SVIL: variants seen among roughly 807,000 people sequenced by gnomAD.
SVIL encodes supervillin.
SVIL carries 101 observed loss-of-function variants against 240.4 expected under a neutral mutation model. That is an observed-to-expected ratio of 0.42 (90% CI 0.36 to 0.50). The LOEUF (loss-of-function observed/expected upper bound fraction) is 0.50, where lower values mean the gene tolerates loss of function less well. Ranked by LOEUF, SVIL falls within the 20% of genes least tolerant of loss-of-function variation. The pLI is 0.01. For synonymous variants in SVIL, 999 were observed against 1,100.0 expected (o/e 0.91, Z 1.82); for missense variants, 2,512 against 2,818.7 (o/e 0.89, Z 2.46).
intron 1 of SVIL, among the ~76,000 whole-genome samples, chr10:29,604,754 A>G (rs1678579784): frequency 6.6e-6 from 1 of 151,726 alleles, no homozygotes; most frequent in Non-Finnish European, 1.5e-5. Flanking sequence ...ATTTTTGTAA[A>G]GATAGGGTCT....
Position 29,526,948 on chromosome 10 carries a change from A to G in SVIL, c.2342+13T>C, listed in dbSNP as rs1363113908. On this transcript the variant is annotated intron_variant, in intron 13 of 37. Transcript: ENST00000355867. ...TGCACCGGGTGCCGCATGCATCTGT[A>G]TCTGTCCAGTACCTGGCAGGCTGCA... is the stretch of plus-strand genomic sequence containing the variant. The G allele has an allele frequency of 1.9e-6, 3 of 1,572,010 alleles. No homozygotes were observed. Among genetic ancestry groups the G allele is most frequent in the Non-Finnish European group, 2.6e-6 (3 of 1,165,186 alleles).
chr10:29,687,760 G>A (rs1045953319), intron 1 of SVIL, among the ~76,000 whole-genome samples: 1 of 152,202 alleles, frequency 6.6e-6, no homozygotes, highest in South Asian at 2.1e-4. Flanking sequence ...TTAAGAAAAG[G>A]TATAAATACT....
intron 17 of SVIL, among the ~76,000 whole-genome samples, chr10:29,500,442 C>T (rs561547382): frequency 5.9e-5 from 9 of 152,236 alleles, no homozygotes; most frequent in African/African-American, 1.9e-4. Flanking sequence ...CTGGCTGTCA[C>T]CTGCTGGTTT....
chr10:29,529,903 G>C (rs1255707801), intron 11 of SVIL, 59 bp from the exon 12 acceptor site: 25 of 1,510,140 alleles, frequency 1.7e-5, no homozygotes, highest in African/African-American at 4.2e-5. Flanking sequence ...GGGCACGGTG[G>C]CTCACGCCTG....
chr10:29,479,979 T>A (rs118157684), intron 29 of SVIL, among the ~76,000 whole-genome samples: 2,383 of 152,220 alleles, frequency 0.016, 33 homozygotes, highest in Non-Finnish European at 0.024. Context: ...ATGGGGTCCG[T>A]CACCATCAGG....
At chr10:29,682,560 A>G (rs1202522282) in intron 2 of SVIL, among the ~76,000 whole-genome samples, 1 of 152,188 alleles carries the variant, frequency 6.6e-6, no homozygotes, top group East Asian at 1.9e-4. Flanking sequence ...AAGGAACCAA[A>G]CCATAATTAT....
At chr10:29,515,334 T>C (rs1415747815) in intron 16 of SVIL, among the ~76,000 whole-genome samples, 3 of 152,232 alleles carry the variant, frequency 2.0e-5, no homozygotes, top group African/African-American at 7.2e-5. Flanking sequence ...TCATACTATA[T>C]AATGACTATG....
intron 1 of SVIL, among the ~76,000 whole-genome samples, chr10:29,624,233 C>T (rs1412536419): frequency 6.6e-6 from 1 of 151,104 alleles, no homozygotes; most frequent in Non-Finnish European, 1.5e-5. Flanking sequence ...CATTCTAAAG[C>T]TTGTTCTTGG....
chr10:29,540,736 C>T (rs934788186), intron 6 of SVIL, among the ~76,000 whole-genome samples: 1 of 152,198 alleles, frequency 6.6e-6, no homozygotes, highest in Non-Finnish European at 1.5e-5. Context: ...CAGCCACAAC[C>T]CTGACTGGAT....
intron 21 of SVIL, among the ~76,000 whole-genome samples, chr10:29,492,721 C>G (rs1466148506): frequency 1.3e-5 from 2 of 152,148 alleles, no homozygotes; most frequent in Non-Finnish European, 2.9e-5. Flanking sequence ...AATGAGAAAG[C>G]CCGCAGATCT....
At chr10:29,621,457 CAG>C (rs905165657) in intron 1 of SVIL, among the ~76,000 whole-genome samples, 10 of 152,370 alleles carry the variant, frequency 6.6e-5, no homozygotes, top group African/African-American at 2.2e-4. Context: ...GCTTGGGAAA[CAG>C]GGGCTACCCC....
intron 1 of SVIL, among the ~76,000 whole-genome samples, chr10:29,618,305 T>C (rs188396294): frequency 2.3e-4 from 35 of 152,344 alleles, no homozygotes; most frequent in African/African-American, 8.4e-4. Context: ...CAAATTCAAG[T>C]TTTATTTTAT....
At chr10:29,555,256 T>G in intron 3 of SVIL, 148 bp from the exon 4 acceptor site, 1 of 796,086 alleles carries the variant, frequency 1.3e-6, no homozygotes, top group Non-Finnish European at 1.9e-6. Context: ...AGTTCCTGCT[T>G]TCTTGGAAAC....
At chr10:29,707,782 G>T (rs1461902611) in intron 1 of SVIL, among the ~76,000 whole-genome samples, 1 of 152,044 alleles carries the variant, frequency 6.6e-6, no homozygotes, top group Non-Finnish European at 1.5e-5. Context: ...ACTGTGCTAA[G>T]GACTTTTCGT....
chr10:29,591,376 G>T (rs1486347585), intron 1 of SVIL, among the ~76,000 whole-genome samples: 1 of 152,056 alleles, frequency 6.6e-6, no homozygotes, highest in African/African-American at 2.4e-5. Flanking sequence ...TGAAACCCAG[G>T]GAATCCAAAC....
intron 1 of SVIL, among the ~76,000 whole-genome samples, chr10:29,571,108 C>A (rs145000319): frequency 0.011 from 1,728 of 152,336 alleles, 29 homozygotes; most frequent in African/African-American, 0.04. Context: ...CTGGTCTAAG[C>A]AAAACTGGGT....
In SVIL at chr10:29,533,258, G is replaced by C; in HGVS notation, c.1109C>G (p.Pro370Arg). ...CTTGGCGGTGTGACCGGTATCTGCGGGTTGGACATAGCCACGGATTGGCTG... is the reference window on the plus strand; with the variant it reads ...CTTGGCGGTGTGACCGGTATCTGCGCGTTGGACATAGCCACGGATTGGCTG... Reference protein sequence around the residue: ...TRQPIRGYVQPADTGHTAKLV... With the variant: ...TRQPIRGYVQRADTGHTAKLV... The change falls in exon 8 of 38, where the codon CCC becomes CGC. Residue 370 changes from proline to arginine, a missense_variant. Physicochemically the swap from Pro to Arg is moderately radical, Grantham distance 103. Transcript: ENST00000355867. The C allele has an allele frequency of 6.2e-7, 1 of 1,614,082 alleles. No individual in the cohort carries two copies. Among genetic ancestry groups the C allele is most frequent in the Admixed American group, 1.7e-5 (1 of 60,014 alleles).
intron 1 of SVIL, among the ~76,000 whole-genome samples, chr10:29,725,192 A>T (rs1322515791): frequency 2.6e-4 from 39 of 152,178 alleles, no homozygotes; most frequent in Non-Finnish European, 8.8e-5. Context: ...GCCCTAAGGC[A>T]GAGCATGCTT....
At chr10:29,495,767 A>C (rs6481608) in intron 18 of SVIL, among the ~76,000 whole-genome samples, 6,850 of 152,268 alleles carry the variant, frequency 0.045, 179 homozygotes, top group African/African-American at 0.063. Flanking sequence ...TGCTTTTCCT[A>C]GTATATTTAC....
Sources: allele counts gnomAD v4.1 joint callset (sites outside exome capture counted in the v4.1 genomes callset), GRCh38; gene constraint gnomAD v4.1.1; transcripts MANE v1.5; gene names NCBI Gene and HGNC (gene_info 2026-07-23, HGNC 2026-07-21).